Variants in MIOS observed in about 807,000 individuals in gnomAD.
MIOS encodes GATOR2 complex protein MIOS.
Under a neutral mutation model 96.9 loss-of-function variants are expected in MIOS, and 52 were observed. The ratio of observed to expected loss-of-function variants is 0.54; its 90% confidence interval spans 0.43 to 0.68. MIOS has a LOEUF of 0.68. Ranked by LOEUF, MIOS falls within the 30% of genes least tolerant of loss-of-function variation. The pLI, the probability that MIOS is intolerant of heterozygous loss-of-function variation, is 0.00. For synonymous variants in MIOS, 397 were observed against 359.5 expected, an observed-to-expected ratio of 1.10 and a Z score of -1.18; for missense variants, 1,005 against 1,052.8, an observed-to-expected ratio of 0.95 and a Z score of 0.63.
intron 11 of MIOS, among the ~76,000 whole-genome samples, chr7:7,599,439 A>G (rs1199722602): frequency 6.6e-6 from 1 of 152,202 alleles, no homozygotes; most frequent in Non-Finnish European, 1.5e-5. Flanking sequence ...AGGAATTTTG[A>G]AAGTGGGAAA....
intron 5 of MIOS, 95 bp downstream of exon 5, chr7:7,574,291 C>T (rs1783455819): frequency 1.1e-6 from 1 of 869,784 alleles, no homozygotes; most frequent in Non-Finnish European, 1.7e-6. Flanking sequence ...CTAGTTATTT[C>T]AGGATCATGT....
chr7:7,576,448 G>C (rs376792328), intron 5 of MIOS, among the ~76,000 whole-genome samples: 5 of 152,168 alleles, frequency 3.3e-5, no homozygotes, highest in Non-Finnish European at 7.4e-5. Context: ...TCCTAATCTG[G>C]TTGCAGGGAT....
chr7:7,586,386 C>G (rs1474585915), intron 7 of MIOS, among the ~76,000 whole-genome samples: 1 of 152,098 alleles, frequency 6.6e-6, no homozygotes, highest in Non-Finnish European at 1.5e-5. Context: ...ATAACACAAT[C>G]AAATAGGTTC....
rs1783431479 is a variant in MIOS, at chr7:7,573,730, G to A, written c.1255G>A (p.Glu419Lys). The A allele has an allele frequency of 1.9e-6, 3 of 1,611,422 alleles. No homozygotes were observed. Reference sequence around the variant, plus strand: ...GAGGAACCACATTTTAGCTGGAAATGAAGATCCACAGCTCAAGTCACTCTG... The same window carrying A: ...GAGGAACCACATTTTAGCTGGAAATAAAGATCCACAGCTCAAGTCACTCTG... ...VWRNHILAGN[E>K]DPQLKSLWYT... Residue 419 changes from glutamate to lysine, a missense_variant, in exon 4 of 13, where the codon GAA becomes AAA. Physicochemically the swap from Glu to Lys is moderately conservative, Grantham distance 56 (BLOSUM62 1). Around this residue, in one of 3 missense-constraint regions of MIOS, gnomAD observed 865 missense variants for 887.9 expected, o/e 0.97. Coordinates refer to ENST00000340080, the MANE Select transcript of MIOS (RefSeq NM_019005.4). This position sits in a 1 kb window ranked among gnomAD's most constrained non-coding sequence, Gnocchi z 5.0.
intron 11 of MIOS, among the ~76,000 whole-genome samples, chr7:7,600,603 C>T (rs1784347419): frequency 1.3e-5 from 2 of 152,098 alleles, no homozygotes; most frequent in African/African-American, 4.8e-5. Context: ...CTTAGACTCC[C>T]ACACAATAAT....
At chr7:7,602,433 GACAA>G (rs1385504340) in intron 11 of MIOS, among the ~76,000 whole-genome samples, 81 of 152,190 alleles carry the variant, frequency 5.3e-4, no homozygotes, top group South Asian at 2.9e-3. Flanking sequence ...ACCAATAACA[GACAA>G]ACAGAGAGCC....
chr7:7,595,112 A>C lies in MIOS; in HGVS notation c.2176A>C (p.Ser726Arg), dbSNP rs1419570768. The change falls in exon 10 of 13, where the codon AGT becomes CGT. Residue 726 changes from serine (S) to arginine (R), a missense_variant. Ser to Arg is a moderately radical substitution (Grantham distance 110, BLOSUM62 -1). This residue lies in a region of MIOS where 865 missense variants were observed against 887.9 expected (regional missense o/e 0.97). Transcript: ENST00000340080. ...TATTCACAGGAGTAAGTTGGATCCCAGTTCCAAGCCTTTAGCACAAGTAAG... is the reference window on the plus strand; with the variant it reads ...TATTCACAGGAGTAAGTTGGATCCCCGTTCCAAGCCTTTAGCACAAGTAAG... ...FDIHRSKLDP[S>R]SKPLAQVFVS... 5 of 1,613,388 alleles carry C rather than the reference A, an allele frequency of 3.1e-6. No homozygotes were observed. The South Asian group carries it at 5.5e-5, about 18-fold the overall frequency.
intron 3 of MIOS, among the ~76,000 whole-genome samples, chr7:7,570,474 G>A (rs972008635): frequency 4.6e-5 from 7 of 152,004 alleles, no homozygotes; most frequent in Admixed American, 4.6e-4. Flanking sequence ...ACGGATGAGG[G>A]GTGGGGGTGT....
At chr7:7,587,722 GA>G (rs149800881) in intron 7 of MIOS, among the ~76,000 whole-genome samples, 1,667 of 152,020 alleles carry the variant, frequency 0.011, 42 homozygotes, top group African/African-American at 0.038. Flanking sequence ...TTTTATCATA[GA>G]AAAAATATGC....
Position 7,607,021 on chromosome 7 carries a change from G to A in MIOS, c.2557G>A (p.Ala853Thr). Residue 853 changes from alanine to threonine, a missense_variant, in exon 13 of 13, where the codon GCA becomes ACA. Around this residue, in one of 3 missense-constraint regions of MIOS, gnomAD observed 865 missense variants for 887.9 expected, o/e 0.97. Transcript: ENST00000340080. ...FRDHAECPVS[A>T]CTCKCMQLDT... ...GGACCATGCAGAGTGCCCTGTGTCG[G>A]CATGCACGTGTAAATGTATGCAGTT... The A allele has an allele frequency of 6.2e-7, 1 of 1,612,824 alleles. No individual in the cohort carries two copies. Among genetic ancestry groups the A allele is most frequent in the African/African-American group, 1.3e-5 (1 of 74,906 alleles).
rs1784240916 is a variant in MIOS, at chr7:7,597,480, ATATATATATATATATATATATAT to A, written c.2401+1020_2401+1042del. ...TTACCTAGTAAATTTATATATATAT[ATATATATATATATATATATATAT>A]ATATATATATATATGAAGGCAATAC... is the stretch of plus-strand genomic sequence containing the variant. On this transcript the variant is annotated intron_variant, in intron 11 of 12. Coordinates refer to ENST00000340080, the MANE Select transcript of MIOS (RefSeq NM_019005.4). Among the ~76,000 whole-genome samples, 7 of 32,940 alleles carry A rather than the reference ATATATATATATATATATATATAT, an allele frequency of 2.1e-4. 1 individual carries two copies. In the South Asian group the frequency reaches 6.2e-3, roughly 29 times the overall value. 21.6% of individuals were successfully genotyped at this position (32,940 alleles called of 152,430 possible). A position where few individuals can be genotyped will look rare whatever the true frequency, so the allele number is the denominator to read the frequency against.
At chr7:7,587,423 T>C (rs1439587925) in intron 7 of MIOS, among the ~76,000 whole-genome samples, 3 of 152,332 alleles carry the variant, frequency 2.0e-5, no homozygotes, top group South Asian at 4.1e-4. Flanking sequence ...TATTTAGTTA[T>C]ACTTTATGTA....
At chr7:7,588,459 C>T (rs369313626) in intron 7 of MIOS, 39 bp from the exon 8 acceptor site, 67 of 1,353,176 alleles carry the variant, frequency 5.0e-5, no homozygotes, top group African/African-American at 3.5e-4. Context: ...AAAACCAGTG[C>T]GCCTAGAAGT....
chr7:7,581,703 A>T (rs1783730567), intron 5 of MIOS: 1 of 152,194 alleles, frequency 6.6e-6, no homozygotes, highest in African/African-American at 2.4e-5. Context: ...GAGGCTATTC[A>T]CAGTTCCTTG....
chr7:7,590,128 G>A (rs1784005947), intron 9 of MIOS, among the ~76,000 whole-genome samples: 1 of 152,084 alleles, frequency 6.6e-6, no homozygotes, highest in Non-Finnish European at 1.5e-5. Context: ...ATTTCCTGTA[G>A]CCCTCCAGTT....
At chr7:7,574,412 T>G (rs1783460312) in intron 5 of MIOS, among the ~76,000 whole-genome samples, 1 of 152,126 alleles carries the variant, frequency 6.6e-6, no homozygotes, top group Non-Finnish European at 1.5e-5. Context: ...TTCTCTGAAG[T>G]GATGTTGATC....
intron 8 of MIOS, 73 bp downstream of exon 8, chr7:7,588,636 T>C: frequency 1.1e-6 from 1 of 885,088 alleles, no homozygotes; most frequent in Non-Finnish European, 1.7e-6. Flanking sequence ...AACTAGTCTT[T>C]ATAATTACAT....
At chr7:7,595,501 C>T (rs1295554645) in intron 10 of MIOS, among the ~76,000 whole-genome samples, 2 of 152,052 alleles carry the variant, frequency 1.3e-5, no homozygotes, top group Non-Finnish European at 2.9e-5. Context: ...GCAGTATTAC[C>T]TATATCTATA....
In MIOS at chr7:7,573,825, T is replaced by A; in HGVS notation, c.1294+56T>A. The A allele has an allele frequency of 6.7e-7, 1 of 1,485,936 alleles. No homozygotes were observed. Among genetic ancestry groups the A allele is most frequent in the South Asian group, 1.4e-5 (1 of 73,568 alleles). The allele number at this position is 1,485,936 out of a possible 1,614,324, so 92.0% of individuals were successfully genotyped here. A position where few individuals can be genotyped will look rare whatever the true frequency, so the allele number is the denominator to read the frequency against. ...GAATCAGGTAGAAATGTTCTTGAAG[T>A]TTGCCAAAAGGTCAGTCTGTAAATA... is the stretch of plus-strand genomic sequence containing the variant. On this transcript the variant is annotated intron_variant, in intron 4 of 12. Coordinates refer to ENST00000340080, the MANE Select transcript of MIOS (RefSeq NM_019005.4). The surrounding 1 kb of genome is among the most constrained non-coding windows in gnomAD (Gnocchi z 5.0).
Sources: allele counts gnomAD v4.1 joint callset (sites outside exome capture counted in the v4.1 genomes callset), GRCh38; gene constraint gnomAD v4.1.1; regional missense constraint gnomAD v4.1.1; non-coding constraint Gnocchi (gnomAD v3.1); transcripts MANE v1.5; gene names NCBI Gene and HGNC (gene_info 2026-07-23, HGNC 2026-07-21).